The following STK32A variants were observed in gnomAD, a reference collection of about 807,000 sequenced individuals.
The protein encoded by STK32A is serine/threonine kinase 32A.
Under a neutral mutation model 53.2 loss-of-function variants are expected in STK32A, and 41 were observed. The ratio of observed to expected loss-of-function variants is 0.77; its 90% CI spans 0.60 to 1.00. STK32A has a LOEUF of 1.00. Ranked by LOEUF, STK32A falls within the 50% of genes least tolerant of loss-of-function variation. The probability of loss-of-function intolerance (pLI) is 0.00; values close to 1 mark genes in which losing one functional copy is unlikely to be tolerated. For missense variants in STK32A, 458 were observed against 485.8 expected, an observed-to-expected ratio of 0.94 and a Z score of 0.54; for synonymous variants, 166 against 162.8, an observed-to-expected ratio of 1.02 and a Z score of -0.15.
At chr5:147,349,998 C>A (rs952845178) in intron 6 of STK32A, among the ~76,000 whole-genome samples, 1 of 151,752 alleles carries the variant, frequency 6.6e-6, no homozygotes, top group African/African-American at 2.4e-5. Flanking sequence ...GTAATCCCAG[C>A]AACTCGGGAG....
chr5:147,291,393 G>A (rs1440812614), intron 4 of STK32A, among the ~76,000 whole-genome samples: 1 of 152,092 alleles, frequency 6.6e-6, no homozygotes, highest in African/African-American at 2.4e-5. Flanking sequence ...ATCGCAGGGT[G>A]CCACAAATGA....
At chr5:147,343,268 A>G (rs751819429) in intron 6 of STK32A, 4 of 723,360 alleles carry the variant, frequency 5.5e-6, no homozygotes, top group South Asian at 1.4e-5. Context: ...TGAGAAAATC[A>G]TAGTCTACTC....
chr5:147,259,579 A>T (rs1259111806), intron 2 of STK32A, among the ~76,000 whole-genome samples: 1 of 151,988 alleles, frequency 6.6e-6, no homozygotes, highest in Middle Eastern at 3.2e-3. Context: ...GTCCTAGGGT[A>T]CATGTGCACA....
intron 2 of STK32A, among the ~76,000 whole-genome samples, chr5:147,275,643 C>T (rs1231786340): frequency 1.3e-5 from 2 of 152,076 alleles, no homozygotes; most frequent in African/African-American, 4.8e-5. Context: ...CACTTTTAAT[C>T]TATCATTGGC....
At position 147,383,919 on chromosome 5, in the gene STK32A, C is replaced by A. The variant is rs780321240; in HGVS notation, c.1127C>A (p.Pro376Gln). Residue 376 changes from proline (P) to glutamine (Q), a missense_variant, in exon 13 of 13, where the codon CCA becomes CAA. Coordinates refer to ENST00000397936, the MANE Select transcript of STK32A (RefSeq NM_001112724.2). ...AACAGGGACTTTAACAAAAGACAACCAAATCTAGCCTTGGAACAAACCAAA... is the reference window on the plus strand; with the variant it reads ...AACAGGGACTTTAACAAAAGACAACAAAATCTAGCCTTGGAACAAACCAAA... ...KVNRDFNKRQ[P>Q]NLALEQTKDP... is the part of the protein sequence containing the mutation. 26 of 1,601,210 alleles carry A rather than the reference C, an allele frequency of 1.6e-5. No individual in the cohort carries two copies. The African/African-American group carries it at 2.7e-4, about 17-fold the overall frequency.
chr5:147,336,106 T>TATACTA, intron 5 of STK32A, among the ~76,000 whole-genome samples: 1 of 152,310 alleles, frequency 6.6e-6, no homozygotes, highest in East Asian at 1.9e-4. Flanking sequence ...TACTAAGTAC[T>TATACTA]ATACTAATAT....
intron 3 of STK32A, 21 bp downstream of exon 3, chr5:147,278,200 T>A (rs764179493): frequency 5.1e-6 from 8 of 1,582,120 alleles, no homozygotes; most frequent in Non-Finnish European, 6.9e-6. Flanking sequence ...ATTGAAATGA[T>A]TAACCACCAG....
chr5:147,350,934 C>T (rs532990713), intron 6 of STK32A, 131 bp from the exon 7 acceptor site: 15 of 688,646 alleles, frequency 2.2e-5, no homozygotes, highest in Non-Finnish European at 3.1e-5. Flanking sequence ...AAGACCATAT[C>T]GGCCTTGAGG....
intron 6 of STK32A, among the ~76,000 whole-genome samples, chr5:147,344,317 ATTAC>A (rs2151989662): frequency 6.6e-6 from 1 of 152,318 alleles, no homozygotes; most frequent in Admixed American, 6.5e-5. Flanking sequence ...GCTCACTGTC[ATTAC>A]TTATTTATGG....
At chr5:147,296,066 T>G (rs952380223) in intron 4 of STK32A, among the ~76,000 whole-genome samples, 6 of 152,296 alleles carry the variant, frequency 3.9e-5, no homozygotes, top group Non-Finnish European at 8.8e-5. Context: ...GAGATTTCCT[T>G]TATCAATGTA....
intron 6 of STK32A, among the ~76,000 whole-genome samples, chr5:147,344,952 C>G (rs1755611326): frequency 6.6e-6 from 1 of 152,214 alleles, no homozygotes; most frequent in Non-Finnish European, 1.5e-5. Context: ...ATCCTATTCT[C>G]CTTCAGTCAA....
chr5:147,312,395 C>T (rs1389690308), intron 4 of STK32A, among the ~76,000 whole-genome samples: 1 of 152,100 alleles, frequency 6.6e-6, no homozygotes, highest in Admixed American at 6.5e-5. Flanking sequence ...TGAACCACTG[C>T]CCCCGGCCTG....
At chr5:147,394,168 G>A in the STK32A span, 1 of 1,591,080 alleles carries the variant, frequency 6.3e-7, no homozygotes, top group Non-Finnish European at 8.6e-7. Flanking sequence ...AAAACAGAGT[G>A]GCGGGTAGGG....
At chr5:147,363,900 T>A (rs1275378738) in intron 8 of STK32A, among the ~76,000 whole-genome samples, 1 of 152,176 alleles carries the variant, frequency 6.6e-6, no homozygotes, top group Non-Finnish European at 1.5e-5. Context: ...ACCAAGTTAC[T>A]CCTTCAAAGT....
At chr5:147,395,707 A>C in the STK32A span, 1 of 1,613,928 alleles carries the variant, frequency 6.2e-7, no homozygotes, top group Non-Finnish European at 8.5e-7. Context: ...TTGGGACGGC[A>C]TGCAGGTCTG....
chr5:147,262,705 C>T (rs1178521231), intron 2 of STK32A, among the ~76,000 whole-genome samples: 4 of 152,194 alleles, frequency 2.6e-5, no homozygotes, highest in South Asian at 2.1e-4. Flanking sequence ...AGGGATTTGT[C>T]TTAAGATTTA....
chr5:147,238,709 TTA>T (rs1262140760), intron 1 of STK32A, among the ~76,000 whole-genome samples: 1 of 152,018 alleles, frequency 6.6e-6, no homozygotes, highest in Admixed American at 6.6e-5. Context: ...TATAACAGAG[TTA>T]TATATATGTG....
chr5:147,314,954 A>C (rs911365107), intron 4 of STK32A, among the ~76,000 whole-genome samples: 1 of 151,986 alleles, frequency 6.6e-6, no homozygotes, highest in Non-Finnish European at 1.5e-5. Flanking sequence ...TATGTTGCCC[A>C]GGCTGGTCTG....
chr5:147,389,996 C>T (rs1475441492), downstream of STK32A, among the ~76,000 whole-genome samples: 3 of 152,244 alleles, frequency 2.0e-5, no homozygotes, highest in East Asian at 5.8e-4. Flanking sequence ...ACACTTGAGT[C>T]TGCCTGACTG....
Sources: allele counts gnomAD v4.1 joint callset (sites outside exome capture counted in the v4.1 genomes callset), GRCh38; gene constraint gnomAD v4.1.1; transcripts MANE v1.5; gene names NCBI Gene and HGNC (gene_info 2026-07-23, HGNC 2026-07-21).